IMMP2L: variants seen among roughly 807,000 people sequenced by gnomAD.
IMMP2L encodes mitochondrial inner membrane protease subunit 2.
Under a neutral mutation model 19.3 loss-of-function variants are expected in IMMP2L, and 18 were observed. The observed-to-expected ratio is 0.93, with a 90% CI of 0.64 to 1.38. The LOEUF (loss-of-function observed/expected upper bound fraction) is 1.38. Among genes scored for constraint, IMMP2L ranks in the 40% most tolerant of loss-of-function variants. The probability of loss-of-function intolerance (pLI) is 0.00; values close to 1 mark genes in which losing one functional copy is unlikely to be tolerated. For missense variants in IMMP2L, 233 were observed against 218.2 expected (o/e 1.07, Z -0.43); for synonymous variants, 76 against 73.0 (o/e 1.04, Z -0.21).
At chr7:110,861,131 CAGAGACAGAG>C (rs1807378648) in intron 5 of IMMP2L, among the ~76,000 whole-genome samples, 1 of 131,862 alleles carries the variant, frequency 7.6e-6, no homozygotes, top group Non-Finnish European at 1.6e-5. Flanking sequence ...GAGAGAGAGA[CAGAGACAGAG>C]AGACAGAGAC....
intron 5 of IMMP2L, among the ~76,000 whole-genome samples, chr7:110,682,277 C>G (rs1026333299): frequency 6.6e-6 from 1 of 152,168 alleles, no homozygotes; most frequent in African/African-American, 2.4e-5. Context: ...TACATGCCAC[C>G]TCCTTCTGGA....
At chr7:111,225,077 C>T (rs1193098517) in intron 3 of IMMP2L, among the ~76,000 whole-genome samples, 1 of 152,036 alleles carries the variant, frequency 6.6e-6, no homozygotes, top group African/African-American at 2.4e-5. Context: ...TTTTTTCCAC[C>T]AAACACTTTT....
intron 3 of IMMP2L, among the ~76,000 whole-genome samples, chr7:111,087,181 G>T (rs1372137062): frequency 6.6e-6 from 1 of 152,124 alleles, no homozygotes; most frequent in East Asian, 1.9e-4. Context: ...CGGGCGCGGT[G>T]GCTCACGCCT....
chr7:111,177,838 A>C, intron 3 of IMMP2L, among the ~76,000 whole-genome samples: 1 of 152,052 alleles, frequency 6.6e-6, no homozygotes, highest in Non-Finnish European at 1.5e-5. Flanking sequence ...TGTCACAAAG[A>C]GTGGGAACAG....
intron 3 of IMMP2L, among the ~76,000 whole-genome samples, chr7:111,332,879 C>T (rs368028906): frequency 4.6e-5 from 7 of 151,954 alleles, no homozygotes; most frequent in Admixed American, 1.3e-4. Context: ...AGGCTCCTTG[C>T]GATGGTTAAT....
intron 5 of IMMP2L, among the ~76,000 whole-genome samples, chr7:110,793,847 A>G (rs1328214272): frequency 2.0e-5 from 3 of 152,124 alleles, no homozygotes; most frequent in South Asian, 2.1e-4. Flanking sequence ...TACCTTAATT[A>G]TTAAAAAATT....
intron 3 of IMMP2L, among the ~76,000 whole-genome samples, chr7:111,374,265 T>A (rs1830493347): frequency 6.6e-6 from 1 of 152,100 alleles, no homozygotes; most frequent in Non-Finnish European, 1.5e-5. Flanking sequence ...AATATTCATG[T>A]AATAAAATCA....
intron 3 of IMMP2L, among the ~76,000 whole-genome samples, chr7:111,456,224 G>A (rs1563215053): frequency 1.3e-5 from 2 of 152,026 alleles, no homozygotes; most frequent in Non-Finnish European, 2.9e-5. Context: ...TACTAAAACA[G>A]TGGTAGGGGT....
intron 3 of IMMP2L, among the ~76,000 whole-genome samples, chr7:111,284,632 T>C (rs914053595): frequency 6.6e-5 from 10 of 152,258 alleles, no homozygotes; most frequent in Admixed American, 3.9e-4. Flanking sequence ...AGAATGACTA[T>C]AAGCCCGGGG....
At chr7:111,242,236 A>G (rs573989421) in intron 3 of IMMP2L, among the ~76,000 whole-genome samples, 3 of 152,254 alleles carry the variant, frequency 2.0e-5, no homozygotes, top group South Asian at 2.1e-4. Flanking sequence ...CAGTCAGTTC[A>G]GTCATAAATC....
rs192502713 is a variant in IMMP2L, at chr7:110,913,891, A to G, written c.306-27196T>C. 2.1e-3 allele frequency among the ~76,000 whole-genome samples: 315 copies of G among 152,314 alleles called. 3 individuals are homozygous for G. The highest frequency in any genetic ancestry group is 3.7e-3 in the Non-Finnish European group (249 of 68,010). Reference sequence around the variant, plus strand: ...AACTCACAATTGCCCTTGTTTGAGGAAAGAGCAGAAGCACTGTTGGGTTGG... The same window carrying G: ...AACTCACAATTGCCCTTGTTTGAGGGAAGAGCAGAAGCACTGTTGGGTTGG... On this transcript the variant is annotated intron_variant, in intron 4 of 5. Coordinates refer to ENST00000405709, the MANE Select transcript of IMMP2L (RefSeq NM_032549.4).
chr7:111,217,369 T>C (rs1036522424), intron 3 of IMMP2L, among the ~76,000 whole-genome samples: 1 of 152,046 alleles, frequency 6.6e-6, no homozygotes. Context: ...CTACTCCTAA[T>C]ATCAGTCCGC....
rs374926208 is a variant in IMMP2L, at chr7:110,879,920, T to C, written c.408+6673A>G. Among the ~76,000 whole-genome samples, 17 of 152,274 alleles carry C rather than the reference T, an allele frequency of 1.1e-4. No homozygotes were observed. In the East Asian group the frequency reaches 2.9e-3, roughly 26 times the overall value. On this transcript the variant is annotated intron_variant, in intron 5 of 5. Coordinates refer to ENST00000405709, the MANE Select transcript of IMMP2L (RefSeq NM_032549.4). Reference sequence around the variant, plus strand: ...AGGTACTGTAGGTTGATAATATTGTTGTTAGGAAGCAAAATAATGTGATCA... The same window carrying C: ...AGGTACTGTAGGTTGATAATATTGTCGTTAGGAAGCAAAATAATGTGATCA...
At chr7:111,240,407 A>T (rs1486031440) in intron 3 of IMMP2L, among the ~76,000 whole-genome samples, 3 of 151,998 alleles carry the variant, frequency 2.0e-5, no homozygotes, top group East Asian at 1.9e-4. Context: ...TTAGTGTTAG[A>T]GATGTTTACA....
chr7:111,035,482 G>A (rs1345800111), intron 3 of IMMP2L, among the ~76,000 whole-genome samples: 3 of 152,160 alleles, frequency 2.0e-5, no homozygotes, highest in Non-Finnish European at 4.4e-5. Context: ...AAAGAATACT[G>A]CAATAAATAG....
At chr7:111,031,381 GGTGTGTGTGT>G (rs1554496351) in intron 3 of IMMP2L, among the ~76,000 whole-genome samples, 1 of 72,588 alleles carries the variant, frequency 1.4e-5, no homozygotes, top group African/African-American at 7.6e-5. Flanking sequence ...GGGGTGTAGG[GGTGTGTGTGT>G]GTGTGTGTGT....
intron 3 of IMMP2L, among the ~76,000 whole-genome samples, chr7:110,972,850 C>A (rs1233882013): frequency 6.6e-6 from 1 of 151,994 alleles, no homozygotes; most frequent in Non-Finnish European, 1.5e-5. Flanking sequence ...TTCAAAGTTG[C>A]TATGTTAGGG....
At chr7:111,234,182 GTTAT>G (rs1814032315) in intron 3 of IMMP2L, among the ~76,000 whole-genome samples, 1 of 151,954 alleles carries the variant, frequency 6.6e-6, no homozygotes, top group Non-Finnish European at 1.5e-5. Context: ...TAACCTATGG[GTTAT>G]TTAGAGGAGA....
At chr7:111,283,228 G>C (rs1474550134) in intron 3 of IMMP2L, among the ~76,000 whole-genome samples, 2 of 152,122 alleles carry the variant, frequency 1.3e-5, no homozygotes, top group Non-Finnish European at 2.9e-5. Context: ...GGTCAAAGAA[G>C]AAATCAAAAG....
Sources: allele counts gnomAD v4.1 joint callset (sites outside exome capture counted in the v4.1 genomes callset), GRCh38; gene constraint gnomAD v4.1.1; transcripts MANE v1.5; gene names NCBI Gene and HGNC (gene_info 2026-07-23, HGNC 2026-07-21).